ABR: variants seen among roughly 807,000 people sequenced by gnomAD.
The protein encoded by ABR is ABR activator of RhoGEF and GTPase.
ABR carries 35 observed loss-of-function variants against 107.2 expected under a neutral mutation model. The ratio of observed to expected loss-of-function variants is 0.33; its 90% CI spans 0.25 to 0.43. The LOEUF is 0.43. Among genes scored for constraint, ABR ranks in the 20% least tolerant of loss-of-function variants. ABR has a pLI of 1.00. For synonymous variants in ABR, 498 were observed against 462.0 expected, an observed-to-expected ratio of 1.08 and a Z score of -1.00; for missense variants, 815 against 1,115.2, an observed-to-expected ratio of 0.73 and a Z score of 3.83.
At chr17:1,009,610 G>A (rs1398771959) in intron 21 of ABR, 69 bp downstream of exon 21, 1 of 1,427,872 alleles carries the variant, frequency 7.0e-7, no homozygotes, top group African/African-American at 1.4e-5. Context: ...AGGTGGGGTT[G>A]GGGCCCCTCC....
chr17:1,135,380 T>C (rs1323983092), intron 1 of ABR, among the ~76,000 whole-genome samples: 11,967 of 148,554 alleles, frequency 0.081, 595 homozygotes, highest in Middle Eastern at 0.16. Context: ...TTTTTGTCTT[T>C]TTTTTTTTTT....
At chr17:1,194,226 C>G (rs1318943621) in intron 1 of ABR, among the ~76,000 whole-genome samples, 1 of 151,508 alleles carries the variant, frequency 6.6e-6, no homozygotes, top group African/African-American at 2.4e-5. Flanking sequence ...CTCTCTCTGT[C>G]GCCCAGGCTG....
At chr17:1,165,633 G>C (rs1017533253) in intron 1 of ABR, among the ~76,000 whole-genome samples, 5 of 152,238 alleles carry the variant, frequency 3.3e-5, no homozygotes, top group Non-Finnish European at 4.4e-5. Flanking sequence ...CCGGGTTCAA[G>C]TGATTCTCCT....
In ABR at chr17:1,179,115, C is replaced by A. The variant is rs965247342; in HGVS notation, c.61+552G>T. ...TTCAGCTCCCGCATCCAAACGGCCC[C>A]CGCGGATATCTGCACCCCCCGTCTC... On this transcript the variant is annotated intron_variant, in intron 1 of 22. Coordinates refer to ENST00000302538, the MANE Select transcript of ABR (RefSeq NM_021962.5). The surrounding 1 kb of genome is among the most constrained non-coding windows in gnomAD (Gnocchi z 4.9). Among the ~76,000 whole-genome samples the A allele has an allele frequency of 6.6e-6, 1 of 151,934 alleles. No homozygotes were observed. The highest frequency in any genetic ancestry group is 1.5e-5 in the Non-Finnish European group (1 of 67,950).
intron 1 of ABR, among the ~76,000 whole-genome samples, chr17:1,140,669 G>A (rs908599721): frequency 1.8e-4 from 27 of 151,316 alleles, no homozygotes; most frequent in Non-Finnish European, 3.1e-4. Context: ...TGCAACCTCC[G>A]CCTCCCAGGT....
chr17:1,103,076 C>T (rs984993122), intron 2 of ABR, among the ~76,000 whole-genome samples: 6 of 152,092 alleles, frequency 3.9e-5, no homozygotes, highest in African/African-American at 1.4e-4. Flanking sequence ...AAGTTTGTGG[C>T]GATTTGTTTC....
At chr17:1,012,825 T>A (rs1421894166) in intron 17 of ABR, 28 bp from the exon 18 acceptor site, 1 of 1,535,040 alleles carries the variant, frequency 6.5e-7, no homozygotes, top group Non-Finnish European at 8.9e-7. Flanking sequence ...CAGGTAAAGA[T>A]TCCCCAGGGT....
intron 14 of ABR, among the ~76,000 whole-genome samples, chr17:1,053,661 CAG>C (rs1428954388): frequency 6.6e-6 from 1 of 152,110 alleles, no homozygotes; most frequent in Non-Finnish European, 1.5e-5. Context: ...ATGAGTGGGT[CAG>C]GGGTGGCGGC....
intron 2 of ABR, among the ~76,000 whole-genome samples, chr17:1,101,895 A>C (rs138791172): frequency 6.6e-6 from 1 of 151,804 alleles, no homozygotes; most frequent in South Asian, 2.1e-4. Context: ...CACCACGCCC[A>C]GCTAACTTTT....
At chr17:1,109,970 G>A (rs2038567464) in intron 2 of ABR, among the ~76,000 whole-genome samples, 1 of 119,660 alleles carries the variant, frequency 8.4e-6, no homozygotes, top group South Asian at 3.0e-4. Flanking sequence ...CACAGGCGCT[G>A]CAGAGACCAG....
At chr17:1,020,288 G>A (rs1462308403) in intron 16 of ABR, among the ~76,000 whole-genome samples, 1 of 152,156 alleles carries the variant, frequency 6.6e-6, no homozygotes, top group African/African-American at 2.4e-5. Context: ...TCACCGTGTT[G>A]GCCAGGCTGG....
chr17:1,021,533 C>T (rs144866542), intron 16 of ABR, among the ~76,000 whole-genome samples: 2,167 of 152,348 alleles, frequency 0.014, 36 homozygotes, highest in African/African-American at 0.046. Context: ...CAGCCAGGTG[C>T]GGTGGCTCAC....
In ABR at chr17:1,134,909, C is replaced by T. The variant is rs374636921; in HGVS notation, c.62-9542G>A. On this transcript the variant is annotated intron_variant, in intron 1 of 22. Transcript: ENST00000302538. ...ACGGGTTTAGCAAATCCGTGTGAAA[C>T]GGGGGACGACACAGGATCAAGTGCA... Among the ~76,000 whole-genome samples, 3 of 152,212 alleles carry T rather than the reference C, an allele frequency of 2.0e-5. No individual in the cohort carries two copies. In the South Asian group the frequency reaches 6.2e-4, roughly 32 times the overall value.
Position 1,050,939 on chromosome 17 carries a change from C to T in ABR, c.1562-305G>A, listed in dbSNP as rs915040003. On this transcript the variant is annotated intron_variant, in intron 14 of 22. Transcript: ENST00000302538. The surrounding 1 kb of genome is among the most constrained non-coding windows in gnomAD (Gnocchi z 4.6). ...CTGCCCTTCCCACCTCGGCCCTCCCCACACTCTGGCCTCCTCCTCCCTCTA... is the reference window on the plus strand; with the variant it reads ...CTGCCCTTCCCACCTCGGCCCTCCCTACACTCTGGCCTCCTCCTCCCTCTA... Among the ~76,000 whole-genome samples, 1 of 151,920 alleles carries T rather than the reference C, an allele frequency of 6.6e-6. No individual in the cohort carries two copies. Among genetic ancestry groups the T allele is most frequent in the African/African-American group, 2.4e-5 (1 of 41,286 alleles).
intron 11 of ABR, 102 bp downstream of exon 11, chr17:1,058,643 G>T: frequency 6.9e-7 from 1 of 1,440,826 alleles, no homozygotes; most frequent in Non-Finnish European, 9.3e-7. Flanking sequence ...GGAAGAGGGG[G>T]CCTGAGTTTC....
At chr17:1,090,680 T>C (rs1430914683) in intron 4 of ABR, among the ~76,000 whole-genome samples, 4 of 150,526 alleles carry the variant, frequency 2.7e-5, no homozygotes, top group African/African-American at 9.8e-5. Context: ...AGAGGGAGAG[T>C]CTTCTCCAGC....
At position 1,100,598 on chromosome 17, in the gene ABR, G is replaced by A. The variant is rs376566515; in HGVS notation, c.345+39C>T. 481 of 1,571,480 alleles carry A rather than the reference G, an allele frequency of 3.1e-4. 6 individuals carry two copies. In the South Asian group the frequency reaches 3.9e-3, roughly 13 times the overall value. ...GAGCATGACATCACCCAACACGGGC[G>A]GGGGGACCGGAAGGCCCCAGAGCAG... On this transcript the variant is annotated intron_variant, in intron 3 of 22. Coordinates refer to ENST00000302538, the MANE Select transcript of ABR (RefSeq NM_021962.5).
Position 1,011,880 on chromosome 17 carries a change from C to T in ABR, c.2067G>A (p.Thr689=), listed in dbSNP as rs141700207. ...VGIYRISGVA[T]DIQALKAVFD... The stretch of plus-strand genomic sequence containing the variant: ...AGACGGCCTTGAGCGCCTGGATGTC[C>T]GTGGCCACGCCCGATATCCTGTAGA... Residue 689 remains threonine (T), a synonymous_variant, in exon 19 of 23, where the codon ACG becomes ACA. Transcript: ENST00000302538. The surrounding 1 kb of genome is among the most constrained non-coding windows in gnomAD (Gnocchi z 4.8). 560 of 1,598,600 alleles carry T rather than the reference C, an allele frequency of 3.5e-4. 1 individual carries two copies. Among genetic ancestry groups the T allele is most frequent in the Non-Finnish European group, 4.0e-4 (473 of 1,168,924 alleles).
At position 1,078,480 on chromosome 17, in the gene ABR, A is replaced by T. The variant is rs144462900; in HGVS notation, c.700+850T>A. ...AGACCCTCTCCCTGGCCTCAGGGCT[A>T]CTACGTCTGCGGGCACAGCTCGTCG... On this transcript the variant is annotated intron_variant, in intron 6 of 22. Coordinates refer to ENST00000302538, the MANE Select transcript of ABR (RefSeq NM_021962.5). This position sits in a 1 kb window ranked among gnomAD's most constrained non-coding sequence, Gnocchi z 7.5. Among the ~76,000 whole-genome samples the T allele has an allele frequency of 0.014, 2,198 of 152,132 alleles. 49 individuals carry two copies. Among genetic ancestry groups the T allele is most frequent in the African/African-American group, 0.051 (2,098 of 41,516 alleles).
Sources: gnomAD v4.1 joint callset for allele counts (sites outside exome capture counted in the v4.1 genomes callset) on GRCh38, gnomAD v4.1.1 for gene constraint, Gnocchi (gnomAD v3.1) non-coding constraint, MANE v1.5 for transcripts, NCBI Gene and HGNC (gene_info 2026-07-23, HGNC 2026-07-21) for gene names.